RHEB: variants seen among roughly 807,000 people sequenced by gnomAD.
RHEB encodes GTP-binding protein Rheb.
In RHEB, 2 loss-of-function variants were observed where a neutral mutation model predicts 28.8. The observed-to-expected ratio is 0.07, with a 90% CI of 0.03 to 0.22. The LOEUF (loss-of-function observed/expected upper bound fraction) is 0.22. Ranked by LOEUF, RHEB falls within the 10% of genes least tolerant of loss-of-function variation. RHEB has a pLI of 1.00. For synonymous variants in RHEB, 69 were observed against 77.3 expected (o/e 0.89, Z 0.56); for missense variants, 76 against 219.9 (o/e 0.35, Z 4.14).
At chr7:151,503,921 C>A (rs1170473288) in intron 1 of RHEB, among the ~76,000 whole-genome samples, 1 of 152,134 alleles carries the variant, frequency 6.6e-6, no homozygotes, top group Non-Finnish European at 1.5e-5. Flanking sequence ...GATCCATTTA[C>A]ATGGCATTCC....
intron 3 of RHEB, among the ~76,000 whole-genome samples, chr7:151,477,648 T>C (rs1429176624): frequency 6.6e-6 from 1 of 152,184 alleles, no homozygotes; most frequent in Non-Finnish European, 1.5e-5. Context: ...GGGGAAAGTC[T>C]GATGACCTTC....
At chr7:151,467,305 C>T (rs550467806) in intron 7 of RHEB, 94 bp from the exon 8 acceptor site, 464 of 894,568 alleles carry the variant, frequency 5.2e-4, no homozygotes, top group Non-Finnish European at 6.0e-4. Flanking sequence ...CCTGCCCTGC[C>T]CTCCTACTGG....
chr7:151,467,266 G>T, intron 7 of RHEB, 55 bp from the exon 8 acceptor site: 1 of 1,296,722 alleles, frequency 7.7e-7, no homozygotes, highest in Non-Finnish European at 1.1e-6. Flanking sequence ...AACTCCGAGA[G>T]TATTTTACGG....
At chr7:151,515,258 T>C (rs998431767) in intron 1 of RHEB, among the ~76,000 whole-genome samples, 3 of 152,160 alleles carry the variant, frequency 2.0e-5, no homozygotes, top group Non-Finnish European at 2.9e-5. Context: ...ACCACATATG[T>C]ATGTTCTTAT....
intron 7 of RHEB, 26 bp from the exon 8 acceptor site, chr7:151,467,237 C>T: frequency 1.3e-6 from 2 of 1,543,928 alleles, no homozygotes; most frequent in Non-Finnish European, 1.8e-6. Flanking sequence ...AACCCAATCA[C>T]AGTGTTAGTG....
chr7:151,467,116 G>A lies in RHEB; in HGVS notation c.*3C>T, dbSNP rs1449074226. The stretch of plus-strand genomic sequence containing the variant: ...CCCAGTGTCCTCAGGCTTTGCAGCA[G>A]AATCACATCACCGAGCATGAAGACT... On this transcript the variant is annotated 3_prime_UTR_variant, in exon 8 of 8. Coordinates refer to ENST00000262187, the MANE Select transcript of RHEB (RefSeq NM_005614.4). 5 of 1,606,934 alleles carry A rather than the reference G, an allele frequency of 3.1e-6. No homozygotes were observed. The highest frequency in any genetic ancestry group is 4.3e-6 in the Non-Finnish European group (5 of 1,173,532).
chr7:151,501,082 C>G (rs963243259), intron 1 of RHEB, among the ~76,000 whole-genome samples: 15 of 152,144 alleles, frequency 9.9e-5, no homozygotes, highest in African/African-American at 3.6e-4. Context: ...GGTGAAGATT[C>G]TGAGGTATAA....
rs970777687 is a variant in RHEB, at chr7:151,495,796, T to A, written c.53-4782A>T. 1.4e-4 allele frequency among the ~76,000 whole-genome samples: 21 copies of A among 152,164 alleles called. No individual in the cohort carries two copies. The South Asian group carries it at 3.1e-3, about 23-fold the overall frequency. ...TAAAACCCTATCTCTACAAAAAAAA[T>A]ATAAAAATTAGCTGAGTGTGGTGAT... On this transcript the variant is annotated intron_variant, in intron 1 of 7. Transcript: ENST00000262187.
intron 1 of RHEB, among the ~76,000 whole-genome samples, chr7:151,508,810 G>C (rs1336802125): frequency 4.0e-5 from 6 of 151,884 alleles, no homozygotes; most frequent in East Asian, 1.9e-4. Flanking sequence ...CATTGGGCAA[G>C]GCTGCTCTGT....
rs372423588 is a variant in RHEB at position 151,515,746 on chromosome 7, T to C, written c.52+3714A>G. On this transcript the variant is annotated intron_variant, in intron 1 of 7. Transcript: ENST00000262187. ...CTGCTGGGAACAACCAAATATTTAA[T>C]GACATCTTTCCTCATGAAGACTCTA... Among the ~76,000 whole-genome samples, 5 of 152,346 alleles carry C rather than the reference T, an allele frequency of 3.3e-5. No individual in the cohort carries two copies. The East Asian group carries it at 5.8e-4, about 18-fold the overall frequency.
intron 1 of RHEB, among the ~76,000 whole-genome samples, chr7:151,508,268 G>GTA (rs1802922773): frequency 6.6e-6 from 1 of 152,140 alleles, no homozygotes; most frequent in African/African-American, 2.4e-5. Flanking sequence ...ATGAAATAGA[G>GTA]TATACTCATC....
intron 3 of RHEB, among the ~76,000 whole-genome samples, chr7:151,484,124 C>G (rs1165096140): frequency 6.6e-6 from 1 of 152,130 alleles, no homozygotes; most frequent in Non-Finnish European, 1.5e-5. Flanking sequence ...GGACTCCAGT[C>G]AAACTGGTAT....
chr7:151,497,362 C>T (rs79942731), intron 1 of RHEB, among the ~76,000 whole-genome samples: 4,873 of 152,230 alleles, frequency 0.032, 229 homozygotes, highest in African/African-American at 0.11. Flanking sequence ...TGCGCAATTC[C>T]AGAATGGAAG....
At chr7:151,508,914 T>C (rs1802935355) in intron 1 of RHEB, among the ~76,000 whole-genome samples, 1 of 152,162 alleles carries the variant, frequency 6.6e-6, no homozygotes. Flanking sequence ...TCTAAAAAAA[T>C]TGGAAGGTAG....
intron 1 of RHEB, among the ~76,000 whole-genome samples, chr7:151,509,546 C>G (rs1802946937): frequency 6.6e-6 from 1 of 152,108 alleles, no homozygotes; most frequent in African/African-American, 2.4e-5. Flanking sequence ...AGGAAATCTC[C>G]CATGTGCGTC....
chr7:151,502,732 G>A (rs530157376), intron 1 of RHEB: 37 of 1,580,044 alleles, frequency 2.3e-5, no homozygotes, highest in African/African-American at 8.1e-5. Context: ...CAGTAGAGGC[G>A]TTTTGCCCGT....
chr7:151,498,683 C>T (rs1802715934), intron 1 of RHEB, among the ~76,000 whole-genome samples: 1 of 152,182 alleles, frequency 6.6e-6, no homozygotes, highest in Non-Finnish European at 1.5e-5. Context: ...TACCTCCCTA[C>T]TGACTAAATG....
At chr7:151,489,990 C>T (rs939659272) in intron 2 of RHEB, among the ~76,000 whole-genome samples, 13 of 152,086 alleles carry the variant, frequency 8.5e-5, no homozygotes, top group Non-Finnish European at 1.6e-4. Context: ...TTGATGAATC[C>T]CATGTTTAAA....
At chr7:151,495,032 T>C (rs995502496) in intron 1 of RHEB, among the ~76,000 whole-genome samples, 1 of 152,226 alleles carries the variant, frequency 6.6e-6, no homozygotes, top group African/African-American at 2.4e-5. Flanking sequence ...TGGTTAGGTT[T>C]TTCTAGTTTG....
Sources: allele counts gnomAD v4.1 joint callset (sites outside exome capture counted in the v4.1 genomes callset), GRCh38; gene constraint gnomAD v4.1.1; transcripts MANE v1.5; gene names NCBI Gene and HGNC (gene_info 2026-07-23, HGNC 2026-07-21).